The following ZNF66 variants were observed in gnomAD, a reference collection of about 807,000 sequenced individuals.
ZNF66 encodes zinc finger protein 66, also known as putative zinc finger protein 66.
ZNF66 carries 32 observed loss-of-function variants against 35.2 expected under a neutral mutation model. The ratio of observed to expected loss-of-function variants is 0.91; its 90% CI spans 0.69 to 1.22. The LOEUF is 1.22. Among genes scored for constraint, ZNF66 ranks in the 50% most tolerant of loss-of-function variants. ZNF66 has a pLI of 0.00. For synonymous variants in ZNF66, 231 were observed against 181.3 expected (o/e 1.27, Z -2.20); for missense variants, 666 against 543.1 (o/e 1.23, Z -2.25).
chr19:20,793,408 G>GC (rs1188877717), intron 2 of ZNF66, among the ~76,000 whole-genome samples: 1 of 135,044 alleles, frequency 7.4e-6, no homozygotes, highest in Non-Finnish European at 1.5e-5. Flanking sequence ...TGGGCTTACT[G>GC]CAACATCCAC....
chr19:20,794,297 AT>A lies in ZNF66; in HGVS notation c.226+428del, dbSNP rs964156824. 1.4e-3 allele frequency: 257 copies of A among 178,340 alleles called. 1 individual carries two copies. Among genetic ancestry groups the A allele is most frequent in the African/African-American group, 4.4e-3 (183 of 41,386 alleles). 11.0% of individuals were successfully genotyped at this position (178,340 alleles called of 1,614,324 possible). A position where few individuals can be genotyped will look rare whatever the true frequency, so the allele number is the denominator to read the frequency against. The stretch of plus-strand genomic sequence containing the variant: ...TTGTGAGAGTAGTAGTTTCTGTTGC[AT>A]TTTTTTTTGTTCATTTTTGTGCACA... On this transcript the variant is annotated intron_variant, in intron 3 of 3. Coordinates refer to ENST00000344519, the MANE Select transcript of ZNF66 (RefSeq NM_001355197.2).
intron 1 of ZNF66, among the ~76,000 whole-genome samples, chr19:20,785,583 C>T (rs1393489823): frequency 6.6e-6 from 1 of 152,084 alleles, no homozygotes; most frequent in Non-Finnish European, 1.5e-5. Flanking sequence ...ATTATGGTGA[C>T]CATCTTTCCA....
At chr19:20,781,896 C>T (rs1971248983) in intron 1 of ZNF66, among the ~76,000 whole-genome samples, 2 of 151,946 alleles carry the variant, frequency 1.3e-5, no homozygotes, top group Admixed American at 1.3e-4. Flanking sequence ...ACAGAGTATT[C>T]CATGATGTTT....
At chr19:20,784,163 T>C (rs112493770) in intron 1 of ZNF66, among the ~76,000 whole-genome samples, 101 of 152,322 alleles carry the variant, frequency 6.6e-4, no homozygotes, top group African/African-American at 2.4e-3. Flanking sequence ...TTTTCTACAA[T>C]ATTATGAATA....
At chr19:20,792,059 A>T (rs944988404) in intron 1 of ZNF66, among the ~76,000 whole-genome samples, 29 of 151,812 alleles carry the variant, frequency 1.9e-4, no homozygotes, top group African/African-American at 6.8e-4. Flanking sequence ...TTCTTGGGCC[A>T]AAAACATTGA....
At position 20,809,343 on chromosome 19, in the gene ZNF66, C is replaced by T. The variant is rs1349189383; in HGVS notation, c.*2021C>T. Among the ~76,000 whole-genome samples the T allele has an allele frequency of 6.6e-6, 1 of 151,928 alleles. No homozygotes were observed. Among genetic ancestry groups the T allele is most frequent in the African/African-American group, 2.4e-5 (1 of 41,358 alleles). On this transcript the variant is annotated 3_prime_UTR_variant, in exon 4 of 4. Coordinates refer to ENST00000344519, the MANE Select transcript of ZNF66 (RefSeq NM_001355197.2). ...AAATACAGAGAACGCCACAAAGATA[C>T]TCCTTGAGAAGAGCAACTCCAAGAC...
intron 1 of ZNF66, among the ~76,000 whole-genome samples, chr19:20,789,723 C>T (rs1971318910): frequency 6.6e-6 from 1 of 151,986 alleles, no homozygotes; most frequent in South Asian, 2.1e-4. Context: ...GATTCTGGGC[C>T]CTTTTTTGAA....
intron 1 of ZNF66, among the ~76,000 whole-genome samples, chr19:20,778,659 T>C (rs1360694189): frequency 2.6e-5 from 4 of 151,988 alleles, no homozygotes; most frequent in African/African-American, 7.2e-5. Flanking sequence ...GGCATATGCC[T>C]GTATTCCCAG....
chr19:20,797,569 G>GTT (rs1326296791), intron 3 of ZNF66, among the ~76,000 whole-genome samples: 1 of 139,138 alleles, frequency 7.2e-6, no homozygotes, highest in Non-Finnish European at 1.6e-5. Context: ...TTCAGTGTAG[G>GTT]TTTTTTTTTT....
intron 3 of ZNF66, among the ~76,000 whole-genome samples, chr19:20,796,393 A>C (rs1447625193): frequency 2.0e-5 from 3 of 152,226 alleles, no homozygotes; most frequent in Non-Finnish European, 2.9e-5. Flanking sequence ...GTATGCCTGA[A>C]GTAAATTAGA....
chr19:20,801,739 A>C (rs989901544), intron 3 of ZNF66, among the ~76,000 whole-genome samples: 1 of 151,856 alleles, frequency 6.6e-6, no homozygotes, highest in Non-Finnish European at 1.5e-5. Flanking sequence ...TGATCCTCTC[A>C]TTTCAGCCTC....
chr19:20,776,578 G>C, intron 1 of ZNF66, 128 bp downstream of exon 1: 1 of 1,277,624 alleles, frequency 7.8e-7, no homozygotes, highest in African/African-American at 1.5e-5. Flanking sequence ...GTCCCATTCA[G>C]CCATAAGATG....
intron 3 of ZNF66, among the ~76,000 whole-genome samples, chr19:20,804,399 A>T (rs993767430): frequency 3.9e-5 from 6 of 151,942 alleles, no homozygotes; most frequent in African/African-American, 1.5e-4. Context: ...GCTCACAACC[A>T]CACTTGGCTA....
intron 1 of ZNF66, 111 bp downstream of exon 1, chr19:20,776,561 T>G: frequency 7.3e-7 from 1 of 1,362,992 alleles, no homozygotes; most frequent in Non-Finnish European, 1.0e-6. Context: ...TACCCAGCTC[T>G]GCCTCAGTCC....
intron 3 of ZNF66, among the ~76,000 whole-genome samples, chr19:20,803,930 A>AT (rs542207976): frequency 1.6e-3 from 247 of 152,100 alleles, no homozygotes; most frequent in Non-Finnish European, 1.9e-3. Context: ...ACTTGCAAAA[A>AT]TTTTTTTGAT....
At chr19:20,804,406 G>T (rs902211656) in intron 3 of ZNF66, among the ~76,000 whole-genome samples, 4 of 151,872 alleles carry the variant, frequency 2.6e-5, no homozygotes, top group Admixed American at 1.3e-4. Context: ...ACCACACTTG[G>T]CTATTTTTTT....
chr19:20,790,760 AAAAG>A (rs1053099195), intron 1 of ZNF66, among the ~76,000 whole-genome samples: 4 of 151,832 alleles, frequency 2.6e-5, no homozygotes, highest in African/African-American at 9.7e-5. Context: ...AAGAGAAAAA[AAAAG>A]GGCTTCAGGT....
chr19:20,792,872 A>G (rs1971351521), intron 2 of ZNF66, among the ~76,000 whole-genome samples: 1 of 152,050 alleles, frequency 6.6e-6, no homozygotes, highest in Admixed American at 6.6e-5. Flanking sequence ...GTTTGAGACC[A>G]GCTGGCCAAA....
intron 3 of ZNF66, among the ~76,000 whole-genome samples, chr19:20,801,086 T>C (rs1971443305): frequency 6.6e-6 from 1 of 152,120 alleles, no homozygotes; most frequent in South Asian, 2.1e-4. Context: ...CATAATATAA[T>C]ATCAGTCATT....
Sources: allele counts gnomAD v4.1 joint callset (sites outside exome capture counted in the v4.1 genomes callset), GRCh38; gene constraint gnomAD v4.1.1; transcripts MANE v1.5; gene names NCBI Gene and HGNC (gene_info 2026-07-23, HGNC 2026-07-21).